The following NECAB1 variants were observed in gnomAD, a reference collection of about 807,000 sequenced individuals.
NECAB1 encodes the protein N-terminal EF-hand calcium binding protein 1.
A neutral mutation model predicts 57.5 loss-of-function variants in NECAB1; 29 were observed. The observed-to-expected ratio is 0.50, with a 90% CI of 0.38 to 0.69. The LOEUF (loss-of-function observed/expected upper bound fraction) is 0.69. Among genes scored for constraint, NECAB1 ranks in the 30% least tolerant of loss-of-function variants. The pLI, the probability that NECAB1 is intolerant of heterozygous loss-of-function variation, is 0.00. For synonymous variants in NECAB1, 142 were observed against 147.7 expected, an observed-to-expected ratio of 0.96 and a Z score of 0.28; for missense variants, 372 against 413.8, an observed-to-expected ratio of 0.90 and a Z score of 0.88.
intron 12 of NECAB1, 74 bp from the exon 13 acceptor site, chr8:90,955,413 A>T: frequency 9.1e-7 from 1 of 1,103,350 alleles, no homozygotes; most frequent in Non-Finnish European, 1.3e-6. Flanking sequence ...CTCTTTAGAA[A>T]TAATTTGCAC....
chr8:90,861,497 C>G (rs532895964), intron 3 of NECAB1, among the ~76,000 whole-genome samples: 15 of 152,264 alleles, frequency 9.9e-5, no homozygotes, highest in African/African-American at 3.1e-4. Context: ...ACACCGTCCT[C>G]TCCTGATGAA....
At chr8:90,906,907 A>ATGTATATATATATG (rs1563528380) in intron 5 of NECAB1, among the ~76,000 whole-genome samples, 1 of 57,306 alleles carries the variant, frequency 1.7e-5, no homozygotes, top group Non-Finnish European at 3.0e-5. Flanking sequence ...ATATATATAT[A>ATGTATATATATATG]TATCTTCTCA....
At chr8:90,881,308 A>G (rs1357130206) in intron 5 of NECAB1, among the ~76,000 whole-genome samples, 178 bp downstream of exon 5, 1 of 152,246 alleles carries the variant, frequency 6.6e-6, no homozygotes, top group Non-Finnish European at 1.5e-5. Context: ...TATATGCTAA[A>G]GACTGTGCTT....
At chr8:90,954,017 T>C (rs1382865070) in intron 12 of NECAB1, among the ~76,000 whole-genome samples, 1 of 151,716 alleles carries the variant, frequency 6.6e-6, no homozygotes, top group Non-Finnish European at 1.5e-5. Flanking sequence ...TGCAGTGAAC[T>C]GAGTTCGTGC....
intron 2 of NECAB1, among the ~76,000 whole-genome samples, chr8:90,803,579 G>T (rs555180907): frequency 1.3e-5 from 2 of 152,228 alleles, no homozygotes; most frequent in East Asian, 3.9e-4. Flanking sequence ...CAAATATCGT[G>T]CTGCATGAAG....
At chr8:90,830,246 A>G (rs1812281977) in intron 3 of NECAB1, among the ~76,000 whole-genome samples, 1 of 152,030 alleles carries the variant, frequency 6.6e-6, no homozygotes, top group East Asian at 1.9e-4. Flanking sequence ...GACAAGAGAG[A>G]TCTCCTGCTT....
chr8:90,910,766 A>G (rs1475127709), intron 5 of NECAB1, among the ~76,000 whole-genome samples: 1 of 152,134 alleles, frequency 6.6e-6, no homozygotes, highest in African/African-American at 2.4e-5. Context: ...GGATAAAATG[A>G]CTGCCAGTTT....
chr8:90,864,363 G>A (rs1563509983), intron 3 of NECAB1, among the ~76,000 whole-genome samples: 1 of 140,430 alleles, frequency 7.1e-6, no homozygotes, highest in Non-Finnish European at 1.5e-5. Context: ...GGGAGGGAGT[G>A]GGGGGAAGGA....
intron 12 of NECAB1, 150 bp downstream of exon 12, chr8:90,951,354 G>A (rs1810922120): frequency 7.6e-6 from 4 of 526,314 alleles, no homozygotes; most frequent in Non-Finnish European, 9.7e-6. Context: ...AGATTGGGGG[G>A]AAGAAATAAA....
chr8:90,840,950 C>CAA (rs34615882), intron 3 of NECAB1, among the ~76,000 whole-genome samples: 16,828 of 121,418 alleles, frequency 0.14, 1,896 homozygotes, highest in African/African-American at 0.32. Context: ...TAAATCTATT[C>CAA]AAAAAAAAAA....
chr8:90,957,474 A>G lies in NECAB1; in HGVS notation c.*1962A>G, dbSNP rs1401978418. 1 of 151,878 alleles carries G rather than the reference A, an allele frequency of 6.6e-6. No homozygotes were observed. The highest frequency in any genetic ancestry group is 1.5e-5 in the Non-Finnish European group (1 of 67,848). 9.4% of individuals were successfully genotyped at this position (151,878 alleles called of 1,614,324 possible). A position where few individuals can be genotyped will look rare whatever the true frequency, so the allele number is the denominator to read the frequency against. ...AGCTCTATCATATTCTGAAACAAGA[A>G]TTAGAATGACTTGAGAACGGGCAAA... On this transcript the variant is annotated 3_prime_UTR_variant, in exon 13 of 13. Transcript: ENST00000417640.
At position 90,940,865 on chromosome 8, in the gene NECAB1, T is replaced by A. The variant is rs1166099800; in HGVS notation, c.827T>A (p.Val276Glu). The change falls in exon 10 of 13, where the codon GTG becomes GAG. Residue 276 changes from valine (V) to glutamate (E), a missense_variant. Transcript: ENST00000417640. Reference protein sequence around the residue: ...EEFQLALKHYVESASSQSGCL... With the variant: ...EEFQLALKHYEESASSQSGCL... The stretch of plus-strand genomic sequence containing the variant: ...TTCCAGCTCGCTCTGAAACACTACG[T>A]GGAGAGTGCTTCCTCCCAAAGTGGA... The A allele has an allele frequency of 6.4e-7, 1 of 1,561,380 alleles. No individual in the cohort carries two copies. The highest frequency in any genetic ancestry group is 8.7e-7 in the Non-Finnish European group (1 of 1,152,294).
intron 1 of NECAB1, among the ~76,000 whole-genome samples, chr8:90,792,806 C>T (rs1467076297): frequency 2.6e-5 from 4 of 152,058 alleles, no homozygotes; most frequent in Non-Finnish European, 5.9e-5. Context: ...CCTCTCCTGC[C>T]TGCTGTTTCT....
At chr8:90,920,539 G>A (rs1242892590) in intron 6 of NECAB1, among the ~76,000 whole-genome samples, 1 of 152,194 alleles carries the variant, frequency 6.6e-6, no homozygotes, top group Non-Finnish European at 1.5e-5. Flanking sequence ...ACTTGAAGTG[G>A]AACTTTAGGA....
intron 3 of NECAB1, among the ~76,000 whole-genome samples, chr8:90,842,910 G>C (rs1441885254): frequency 6.6e-6 from 1 of 152,178 alleles, no homozygotes; most frequent in East Asian, 1.9e-4. Flanking sequence ...ATGGAAACAT[G>C]TAAGGTTTAC....
At chr8:90,906,876 C>CACATAT (rs375695060) in intron 5 of NECAB1, among the ~76,000 whole-genome samples, 13 of 121,766 alleles carry the variant, frequency 1.1e-4, no homozygotes, top group Admixed American at 2.5e-4. Flanking sequence ...ATGATATACA[C>CACATAT]ATATATATAT....
chr8:90,865,088 G>A (rs1371824278), intron 3 of NECAB1, among the ~76,000 whole-genome samples: 3 of 152,114 alleles, frequency 2.0e-5, no homozygotes, highest in African/African-American at 7.2e-5. Context: ...AAGAATGGAA[G>A]AAGGGCGGAG....
At chr8:90,807,933 G>GGA (rs935931764) in intron 2 of NECAB1, among the ~76,000 whole-genome samples, 44 of 152,200 alleles carry the variant, frequency 2.9e-4, no homozygotes, top group African/African-American at 9.9e-4. Flanking sequence ...AAAATATGTG[G>GGA]GAGAAACCCA....
intron 5 of NECAB1, among the ~76,000 whole-genome samples, chr8:90,882,401 A>G (rs1181069534): frequency 6.6e-6 from 1 of 152,076 alleles, no homozygotes; most frequent in African/African-American, 2.4e-5. Context: ...TATCCAAATA[A>G]CAAATTCCAA....
Sources: gnomAD v4.1 joint callset for allele counts (sites outside exome capture counted in the v4.1 genomes callset) on GRCh38, gnomAD v4.1.1 for gene constraint, MANE v1.5 for transcripts, NCBI Gene and HGNC (gene_info 2026-07-23, HGNC 2026-07-21) for gene names.